The following RARB variants were observed in gnomAD, a reference collection of about 807,000 sequenced individuals.
RARB encodes HBV-activated protein.
Under a neutral mutation model 51.9 loss-of-function variants are expected in RARB, and 17 were observed. The ratio of observed to expected loss-of-function variants is 0.33; its 90% CI spans 0.22 to 0.49. The LOEUF (loss-of-function observed/expected upper bound fraction) is 0.49. Among genes scored for constraint, RARB ranks in the 20% least tolerant of loss-of-function variants. RARB has a pLI of 0.99. For synonymous variants in RARB, 215 were observed against 195.4 expected (o/e 1.10, Z -0.84); for missense variants, 369 against 550.8 (o/e 0.67, Z 3.30).
At chr3:25,455,730 A>G (rs936509796) in intron 1 of RARB, among the ~76,000 whole-genome samples, 2 of 152,198 alleles carry the variant, frequency 1.3e-5, no homozygotes, top group Non-Finnish European at 2.9e-5. Context: ...TCACCCGAGT[A>G]GCAGAAGTTC....
chr3:25,318,643 A>C (rs1252981720), intron 5 of RARB, among the ~76,000 whole-genome samples: 3 of 152,182 alleles, frequency 2.0e-5, no homozygotes, highest in Non-Finnish European at 4.4e-5. Flanking sequence ...GGATCTGCTC[A>C]AGTCCTTATT....
At chr3:25,040,432 A>T (rs987598914) in intron 2 of RARB, among the ~76,000 whole-genome samples, 1 of 152,118 alleles carries the variant, frequency 6.6e-6, no homozygotes, top group African/African-American at 2.4e-5. Flanking sequence ...GGTCCTTGAT[A>T]TATTAGAATT....
At chr3:24,912,332 T>A (rs1044867997) in intron 2 of RARB, among the ~76,000 whole-genome samples, 1 of 152,238 alleles carries the variant, frequency 6.6e-6, no homozygotes, top group Non-Finnish European at 1.5e-5. Flanking sequence ...TACAAAAGGA[T>A]TCATGTACCC....
intron 3 of RARB, among the ~76,000 whole-genome samples, chr3:25,096,897 C>T (rs1208019358): frequency 6.6e-6 from 1 of 152,172 alleles, no homozygotes; most frequent in Non-Finnish European, 1.5e-5. Flanking sequence ...ATATAAAGTG[C>T]TGTTTCCTTT....
At chr3:25,293,836 A>G (rs1703850218) in intron 5 of RARB, among the ~76,000 whole-genome samples, 1 of 152,136 alleles carries the variant, frequency 6.6e-6, no homozygotes, top group Non-Finnish European at 1.5e-5. Context: ...CCAGCCTCAC[A>G]GGGTCACAAC....
intron 1 of RARB, 147 bp downstream of exon 1, chr3:25,429,035 A>C (rs1259398034): frequency 1.1e-5 from 12 of 1,080,890 alleles, no homozygotes; most frequent in Non-Finnish European, 1.5e-5. Context: ...GCTGGCATGC[A>C]TATTGATTCC....
chr3:25,057,286 A>C (rs747806583), intron 2 of RARB, among the ~76,000 whole-genome samples: 1 of 152,040 alleles, frequency 6.6e-6, no homozygotes, highest in Non-Finnish European at 1.5e-5. Flanking sequence ...TGTTCCCATT[A>C]TGACTTTAAG....
chr3:25,219,202 T>G (rs1701893997), intron 5 of RARB, among the ~76,000 whole-genome samples: 1 of 152,048 alleles, frequency 6.6e-6, no homozygotes, highest in South Asian at 2.1e-4. Flanking sequence ...AAGTTTCCTA[T>G]TAAAGTCATT....
intron 1 of RARB, among the ~76,000 whole-genome samples, chr3:25,457,569 A>G (rs886240974): frequency 2.0e-5 from 3 of 152,212 alleles, no homozygotes; most frequent in Non-Finnish European, 4.4e-5. Flanking sequence ...AAAAGATCCA[A>G]TCTTTGTAAA....
chr3:24,959,054 A>C (rs980164987), intron 2 of RARB, among the ~76,000 whole-genome samples: 10 of 152,342 alleles, frequency 6.6e-5, no homozygotes, highest in African/African-American at 2.4e-4. Flanking sequence ...AGGGAGTACC[A>C]GCAATCCCTG....
chr3:25,581,686 G>A (rs1701184178), intron 5 of RARB, among the ~76,000 whole-genome samples: 3 of 152,156 alleles, frequency 2.0e-5, no homozygotes, highest in Admixed American at 6.5e-5. Context: ...TCTTTGGGCG[G>A]GGGCGATTAG....
intron 5 of RARB, among the ~76,000 whole-genome samples, chr3:25,211,427 G>A (rs1701695503): frequency 6.6e-6 from 1 of 152,094 alleles, no homozygotes; most frequent in Non-Finnish European, 1.5e-5. Flanking sequence ...ACCATTAGAA[G>A]AAATAGTTCC....
At chr3:24,968,342 G>A (rs1020541048) in intron 2 of RARB, among the ~76,000 whole-genome samples, 4 of 152,126 alleles carry the variant, frequency 2.6e-5, no homozygotes, top group Admixed American at 1.3e-4. Flanking sequence ...CTTTTGCTAA[G>A]ACTATAGTTC....
At chr3:25,294,028 G>T (rs6810082) in intron 5 of RARB, among the ~76,000 whole-genome samples, 2 of 151,880 alleles carry the variant, frequency 1.3e-5, no homozygotes, top group Non-Finnish European at 2.9e-5. Flanking sequence ...CAATAACTTC[G>T]GAGGAGGTAA....
At chr3:25,094,716 CAAAAAAA>C (rs57477720) in intron 3 of RARB, among the ~76,000 whole-genome samples, 19 of 43,106 alleles carry the variant, frequency 4.4e-4, no homozygotes, top group Middle Eastern at 0.062. Context: ...GACCCCATCT[CAAAAAAA>C]AAAAAAAAAA....
chr3:25,455,569 A>G (rs1694864339), intron 1 of RARB, among the ~76,000 whole-genome samples: 1 of 152,170 alleles, frequency 6.6e-6, no homozygotes, highest in Admixed American at 6.5e-5. Context: ...AGGGGCTAGC[A>G]GCTTCCGAGG....
chr3:25,114,944 A>G (rs1699661951), intron 3 of RARB, among the ~76,000 whole-genome samples: 1 of 152,360 alleles, frequency 6.6e-6, no homozygotes, highest in African/African-American at 2.4e-5. Context: ...CTGAGTATAA[A>G]GAAGTTTTAA....
intron 2 of RARB, among the ~76,000 whole-genome samples, chr3:24,974,181 G>T (rs759595747): frequency 6.6e-6 from 1 of 151,962 alleles, no homozygotes; most frequent in Non-Finnish European, 1.5e-5. Context: ...TTTACCAAAA[G>T]ATTTTCCAGC....
chr3:24,935,636 G>T (rs570909723), intron 2 of RARB, among the ~76,000 whole-genome samples: 11 of 152,178 alleles, frequency 7.2e-5, no homozygotes, highest in African/African-American at 2.7e-4. Context: ...TCCCTAGGAC[G>T]TAGAAGGCAC....
Sources: allele counts gnomAD v4.1 joint callset (sites outside exome capture counted in the v4.1 genomes callset), GRCh38; gene constraint gnomAD v4.1.1; transcripts MANE v1.5; gene names NCBI Gene and HGNC (gene_info 2026-07-23, HGNC 2026-07-21).